The following MED20 variants were observed in gnomAD, a reference collection of about 807,000 sequenced individuals.
MED20 encodes the protein mediator of RNA polymerase II transcription subunit 20.
A neutral mutation model predicts 19.7 loss-of-function variants in MED20; 19 were observed. The observed-to-expected ratio is 0.96, with a 90% confidence interval of 0.67 to 1.42. The LOEUF (loss-of-function observed/expected upper bound fraction) is 1.42, where lower values mean the gene tolerates loss of function less well. Ranked by LOEUF, MED20 falls within the 40% of genes most tolerant of loss-of-function variation. The pLI, the probability that MED20 is intolerant of heterozygous loss-of-function variation, is 0.00. For missense variants in MED20, 225 were observed against 273.0 expected (o/e 0.82, Z 1.24); for synonymous variants, 105 against 104.8 (o/e 1.00, Z -0.01).
intron 2 of MED20, among the ~76,000 whole-genome samples, chr6:41,910,622 A>G (rs1306278286): frequency 1.4e-5 from 2 of 144,394 alleles, no homozygotes; most frequent in Non-Finnish European, 3.0e-5. Context: ...ACAGAGCAAT[A>G]CTCTATCTCC....
Position 41,911,093 on chromosome 6 carries a change from C to T in MED20, c.170-1571G>A, listed in dbSNP as rs542685247. ...CACTGCACTCCAGCCTGGGTGACAG[C>T]GAGACTCCATCTCAAAAAAAAAAAA... is the stretch of plus-strand genomic sequence containing the variant. On this transcript the variant is annotated intron_variant, in intron 2 of 3. Transcript: ENST00000265350. 1.7e-3 allele frequency among the ~76,000 whole-genome samples: 247 copies of T among 142,168 alleles called. 1 individual carries two copies. Among genetic ancestry groups the T allele is most frequent in the African/African-American group, 5.9e-3 (230 of 38,962 alleles). The allele number at this position is 142,168 out of a possible 152,430, so 93.3% of individuals were successfully genotyped here. A position where few individuals can be genotyped will look rare whatever the true frequency, so the allele number is the denominator to read the frequency against.
intron 2 of MED20, among the ~76,000 whole-genome samples, chr6:41,915,743 C>T (rs968446478): frequency 3.4e-5 from 5 of 145,892 alleles, no homozygotes; most frequent in African/African-American, 7.8e-5. Flanking sequence ...GCCGAGATTG[C>T]GCCACTGCAC....
At chr6:41,915,561 G>C (rs535725206) in intron 2 of MED20, among the ~76,000 whole-genome samples, 1 of 152,192 alleles carries the variant, frequency 6.6e-6, no homozygotes, top group East Asian at 1.9e-4. Context: ...GCCGAGGCGG[G>C]TGGATCACAA....
chr6:41,918,915 C>T (rs1775386300), intron 1 of MED20, among the ~76,000 whole-genome samples: 1 of 142,646 alleles, frequency 7.0e-6, no homozygotes, highest in Non-Finnish European at 1.5e-5. Flanking sequence ...CCACTGCAGT[C>T]CGCAGTCCGG....
At position 41,916,927 on chromosome 6, in the gene MED20, C is replaced by T. The variant is rs746353113; in HGVS notation, c.27G>A (p.Met9Ile). The T allele has an allele frequency of 6.2e-7, 1 of 1,614,004 alleles. No homozygotes were observed. ...GAACACTCTTGCCCTCGGCCACAGG[C>T]ATCTGGGACACACTGGAAAGGAGAG... is the stretch of plus-strand genomic sequence containing the variant. Reference protein sequence around the residue: MGVTCVSQMPVAEGKSVQQ... With the variant: MGVTCVSQIPVAEGKSVQQ... Residue 9 changes from methionine to isoleucine, a missense_variant, in exon 2 of 4, where the codon ATG becomes ATA. By Grantham distance (10) the Met-to-Ile change is conservative. Transcript: ENST00000265350.
At chr6:41,908,945 G>T in intron 3 of MED20, 1 of 379,318 alleles carries the variant, frequency 2.6e-6, no homozygotes, top group Non-Finnish European at 4.7e-6. Context: ...CACTTTGGGG[G>T]GCTGAGATGG....
rs778824677 is a variant in MED20 at position 41,921,045 on chromosome 6, T to C, written c.-27A>G. ...GCGTCGGGCCAGGAAGGTGGCAGAA[T>C]CACACAGTAGAAACGCAGGGTTCCC... On this transcript the variant is annotated 5_prime_UTR_variant, in exon 1 of 4. Coordinates refer to ENST00000265350, the MANE Select transcript of MED20 (RefSeq NM_004275.5). 4 of 1,611,052 alleles carry C rather than the reference T, an allele frequency of 2.5e-6. No homozygotes were observed. The Admixed American group carries it at 6.7e-5, about 27-fold the overall frequency.
At chr6:41,916,226 G>C (rs1245148966) in intron 2 of MED20, among the ~76,000 whole-genome samples, 1 of 151,674 alleles carries the variant, frequency 6.6e-6, no homozygotes, top group East Asian at 1.9e-4. Context: ...ACTCCAGCCT[G>C]GGAGACTGAG....
intron 2 of MED20, among the ~76,000 whole-genome samples, chr6:41,910,448 A>G (rs1775162444): frequency 6.6e-6 from 1 of 151,688 alleles, no homozygotes; most frequent in African/African-American, 2.4e-5. Flanking sequence ...CCTGATCAAC[A>G]TGGTGAAAAC....
intron 2 of MED20, among the ~76,000 whole-genome samples, chr6:41,915,139 C>CA (rs1472236116): frequency 6.6e-6 from 1 of 152,126 alleles, no homozygotes; most frequent in East Asian, 1.9e-4. Context: ...AAAAAGCACT[C>CA]AAAGAACACA....
Position 41,908,451 on chromosome 6 carries a change from A to C in MED20, c.423+818T>G, listed in dbSNP as rs1027925023. Among the ~76,000 whole-genome samples, 6 of 152,342 alleles carry C rather than the reference A, an allele frequency of 3.9e-5. 1 individual carries two copies. The Middle Eastern group carries it at 0.02, about 518-fold the overall frequency. On this transcript the variant is annotated intron_variant, in intron 3 of 3. Transcript: ENST00000265350. ...GACACACACACACTCTCTGTGTCAC[A>C]GATGAAGTGATCTCACACACAAACA...
intron 2 of MED20, among the ~76,000 whole-genome samples, chr6:41,914,021 G>A (rs187592761): frequency 1.3e-5 from 2 of 152,312 alleles, no homozygotes; most frequent in African/African-American, 4.8e-5. Context: ...ACTGTACTGG[G>A]AAGAGTCCAA....
At chr6:41,915,293 A>T (rs1478389646) in intron 2 of MED20, among the ~76,000 whole-genome samples, 1 of 151,992 alleles carries the variant, frequency 6.6e-6, no homozygotes, top group South Asian at 2.1e-4. Context: ...TTTGAGATCA[A>T]TTTGGGCAGC....
chr6:41,921,135 A>G lies in MED20; in HGVS notation c.-117T>C. 1.5e-6 allele frequency: 2 copies of G among 1,379,194 alleles called. No homozygotes were observed. The highest frequency in any genetic ancestry group is 2.6e-5 in the South Asian group (2 of 75,628). 85.4% of individuals were successfully genotyped at this position (1,379,194 alleles called of 1,614,324 possible). ...CTTCTGTCTCAGAAGGGACTCCGGA[A>G]ATACGTAAAAACAGAGCGCCGGGTC... On this transcript the variant is annotated 5_prime_UTR_variant, in exon 1 of 4. Transcript: ENST00000265350.
In MED20 at chr6:41,906,881, G is replaced by A. The variant is rs1046277719; in HGVS notation, c.*191C>T. 3 of 589,188 alleles carry A rather than the reference G, an allele frequency of 5.1e-6. 1 individual carries two copies. Among genetic ancestry groups the A allele is most frequent in the Non-Finnish European group, 9.1e-6 (3 of 331,228 alleles). 36.5% of individuals were successfully genotyped at this position (589,188 alleles called of 1,614,324 possible). A position where few individuals can be genotyped will look rare whatever the true frequency, so the allele number is the denominator to read the frequency against. On this transcript the variant is annotated 3_prime_UTR_variant, in exon 4 of 4. Transcript: ENST00000265350. Reference sequence around the variant, plus strand: ...GCACGGAGTAAAACAGCTGATGGGGGGCTATGTGTGAGAGTCAGGGGGTTG... The same window carrying A: ...GCACGGAGTAAAACAGCTGATGGGGAGCTATGTGTGAGAGTCAGGGGGTTG...
chr6:41,920,667 C>G (rs1282594964), intron 1 of MED20: 1 of 246,478 alleles, frequency 4.1e-6, no homozygotes, highest in Non-Finnish European at 7.7e-6. Context: ...CCCAGCTACT[C>G]GGGACTACAG....
At chr6:41,907,436 T>A in intron 3 of MED20, 149 bp from the exon 4 acceptor site, 1 of 733,714 alleles carries the variant, frequency 1.4e-6, no homozygotes, top group Non-Finnish European at 2.2e-6. Context: ...CAGGAAACAT[T>A]CAACCTAAAC....
chr6:41,917,521 C>G, intron 1 of MED20: 1 of 287,566 alleles, frequency 3.5e-6, no homozygotes, highest in Non-Finnish European at 7.1e-6. Context: ...TACACTTGGA[C>G]CAGTCCCCCA....
Position 41,906,757 on chromosome 6 carries a change from A to C in MED20, c.*315T>G. 1 of 328,514 alleles carries C rather than the reference A, an allele frequency of 3.0e-6. No homozygotes were observed. The highest frequency in any genetic ancestry group is 5.8e-6 in the Non-Finnish European group (1 of 173,844). The allele number at this position is 328,514 out of a possible 1,614,324, so 20.3% of individuals were successfully genotyped here. A position where few individuals can be genotyped will look rare whatever the true frequency, so the allele number is the denominator to read the frequency against. On this transcript the variant is annotated 3_prime_UTR_variant, in exon 4 of 4. Transcript: ENST00000265350. ...ACTATTTCCCCCACCAGTACCAGGCAGGGACATTCCTGTCCTACCTTTCCC... is the reference window on the plus strand; with the variant it reads ...ACTATTTCCCCCACCAGTACCAGGCCGGGACATTCCTGTCCTACCTTTCCC...
Sources: allele counts gnomAD v4.1 joint callset (sites outside exome capture counted in the v4.1 genomes callset), GRCh38; gene constraint gnomAD v4.1.1; transcripts MANE v1.5; gene names NCBI Gene and HGNC (gene_info 2026-07-23, HGNC 2026-07-21).